Variants in AXDND1 observed in about 807,000 individuals in gnomAD.
AXDND1 encodes the protein axonemal dynein light chain domain containing 1.
A neutral mutation model predicts 137.5 loss-of-function variants in AXDND1; 110 were observed. The ratio of observed to expected loss-of-function variants is 0.80; its 90% CI spans 0.69 to 0.94. The LOEUF is 0.94. Among genes scored for constraint, AXDND1 ranks in the 40% least tolerant of loss-of-function variants. The pLI is 0.00. For synonymous variants in AXDND1, 414 were observed against 399.7 expected (o/e 1.04, Z -0.43); for missense variants, 1,191 against 1,169.8 (o/e 1.02, Z -0.26).
At chr1:179,457,224 C>T in intron 16 of AXDND1, 1 of 728,350 alleles carries the variant, frequency 1.4e-6, no homozygotes. Flanking sequence ...GAGCATTCCT[C>T]ATTGCTCAAA....
chr1:179,527,981 G>A (rs1045816126), intron 22 of AXDND1, among the ~76,000 whole-genome samples: 3 of 152,052 alleles, frequency 2.0e-5, no homozygotes, highest in African/African-American at 7.2e-5. Context: ...ACCCTTTTCT[G>A]GGTGTGCACA....
intron 21 of AXDND1, among the ~76,000 whole-genome samples, chr1:179,511,618 G>A (rs909134786): frequency 6.6e-6 from 1 of 152,100 alleles, no homozygotes; most frequent in African/African-American, 2.4e-5. Flanking sequence ...TCTACTTTTA[G>A]TTCTTTAAGG....
chr1:179,457,229 C>T, intron 16 of AXDND1: 1 of 721,042 alleles, frequency 1.4e-6, no homozygotes, highest in East Asian at 2.5e-5. Context: ...TTCCTCATTG[C>T]TCAAAATGGC....
intron 11 of AXDND1, among the ~76,000 whole-genome samples, chr1:179,399,649 A>G (rs12751949): frequency 0.29 from 44,345 of 152,130 alleles, 6,668 homozygotes; most frequent in Non-Finnish European, 0.31. Context: ...AGCCCACAGA[A>G]TGGGAGAAAA....
intron 12 of AXDND1, among the ~76,000 whole-genome samples, chr1:179,422,785 A>ATG (rs1170747031): frequency 1.3e-5 from 2 of 151,772 alleles, no homozygotes; most frequent in Non-Finnish European, 2.9e-5. Context: ...TTTCTTTGAG[A>ATG]TGAAGTCTCA....
chr1:179,540,910 G>C (rs1672072074), intron 25 of AXDND1, among the ~76,000 whole-genome samples: 1 of 152,200 alleles, frequency 6.6e-6, no homozygotes, highest in Non-Finnish European at 1.5e-5. Flanking sequence ...TAGAGAGGCA[G>C]TTGGCCTCAC....
chr1:179,520,856 G>GTA (rs761563327), intron 21 of AXDND1, among the ~76,000 whole-genome samples: 77 of 146,878 alleles, frequency 5.2e-4, no homozygotes, highest in Admixed American at 2.0e-3. Context: ...ACTAGTAACT[G>GTA]TATATATATA....
chr1:179,456,774 G>A (rs1661467169), intron 16 of AXDND1: 1 of 782,936 alleles, frequency 1.3e-6, no homozygotes, highest in African/African-American at 1.7e-5. Context: ...GCTGGATGAA[G>A]CCCTAGCCAT....
chr1:179,431,206 A>G (rs947613838), intron 14 of AXDND1, among the ~76,000 whole-genome samples: 6 of 152,238 alleles, frequency 3.9e-5, no homozygotes, highest in Admixed American at 1.3e-4. Flanking sequence ...CAGTGGCGCA[A>G]TCTTGGCTCA....
chr1:179,527,287 T>G (rs1484959493), intron 22 of AXDND1, among the ~76,000 whole-genome samples: 1 of 152,200 alleles, frequency 6.6e-6, no homozygotes, highest in Non-Finnish European at 1.5e-5. Context: ...GAGGTCACTC[T>G]TGTGGCCATT....
chr1:179,394,819 C>A (rs4606280), intron 10 of AXDND1, among the ~76,000 whole-genome samples: 132,560 of 152,112 alleles, frequency 0.87, 57,841 homozygotes, highest in East Asian at 0.9. Context: ...ACCAGCATGG[C>A]GGCCTTGCAT....
At chr1:179,553,202 C>T (rs1454078113) in intron 25 of AXDND1, among the ~76,000 whole-genome samples, 3 of 152,174 alleles carry the variant, frequency 2.0e-5, no homozygotes, top group African/African-American at 7.2e-5. Context: ...AGGTTAGCTG[C>T]CCCTCAAAAA....
chr1:179,525,489 A>G (rs372179953), intron 22 of AXDND1, 42 bp downstream of exon 22: 2 of 1,507,662 alleles, frequency 1.3e-6, no homozygotes, highest in South Asian at 1.2e-5. Context: ...ACATACATAC[A>G]TACATACATA....
rs200417239 is a variant in AXDND1, at chr1:179,388,973, A to ATT, written c.863+3615_863+3616dup. Among the ~76,000 whole-genome samples the ATT allele has an allele frequency of 9.9e-4, 76 of 76,548 alleles. 2 individuals are homozygous for ATT. The highest frequency in any genetic ancestry group is 4.4e-3 in the Admixed American group (25 of 5,658). The allele number at this position is 76,548 out of a possible 152,430, so 50.2% of individuals were successfully genotyped here. ...AATTTTATTGCTTATTCATTTTTAG[A>ATT]TTCTTTTTTTTTTTTTTTTTGAGAT... is the stretch of plus-strand genomic sequence containing the variant. On this transcript the variant is annotated intron_variant, in intron 9 of 25. Coordinates refer to ENST00000367618, the MANE Select transcript of AXDND1 (RefSeq NM_144696.6).
At chr1:179,512,166 A>G (rs1224617889) in intron 21 of AXDND1, among the ~76,000 whole-genome samples, 2 of 152,136 alleles carry the variant, frequency 1.3e-5, no homozygotes, top group African/African-American at 4.8e-5. Flanking sequence ...GGTTTTTCCA[A>G]TGTTATGTCT....
Position 179,488,676 on chromosome 1 carries a change from TTTCTTTCTTTCTTTC to T in AXDND1, c.2092-2859_2092-2845del, listed in dbSNP as rs1027467513. Among the ~76,000 whole-genome samples, 20 of 136,872 alleles carry T rather than the reference TTTCTTTCTTTCTTTC, an allele frequency of 1.5e-4. 2 individuals carry two copies. Among genetic ancestry groups the T allele is most frequent in the African/African-American group, 6.0e-4 (20 of 33,098 alleles). 89.8% of individuals were successfully genotyped at this position (136,872 alleles called of 152,430 possible). A position where few individuals can be genotyped will look rare whatever the true frequency, so the allele number is the denominator to read the frequency against. Reference sequence around the variant, plus strand: ...CTTTCTTTCTTTCTTTCTTTCTTTCTTTCTTTCTTTCTTTCTTTCTTTCCTCTCTCTGTCTCTCTC... The same window carrying T: ...CTTTCTTTCTTTCTTTCTTTCTTTCTTTTCTTTCCTCTCTCTGTCTCTCTC... On this transcript the variant is annotated intron_variant, in intron 18 of 25. Transcript: ENST00000367618.
chr1:179,401,038 C>T (rs1651952632), intron 11 of AXDND1, among the ~76,000 whole-genome samples: 1 of 151,384 alleles, frequency 6.6e-6, no homozygotes, highest in Non-Finnish European at 1.5e-5. Context: ...GCGGGTGGAT[C>T]AGCTGAGGTC....
At chr1:179,429,384 G>A (rs541770213) in intron 12 of AXDND1, 134 bp from the exon 13 acceptor site, 5 of 464,976 alleles carry the variant, frequency 1.1e-5, no homozygotes, top group African/African-American at 2.0e-5. Context: ...TTTGTAATTC[G>A]TGTTAATGAT....
chr1:179,551,178 A>G (rs746526194), intron 25 of AXDND1: 1 of 1,613,982 alleles, frequency 6.2e-7, no homozygotes, highest in Admixed American at 1.7e-5. Flanking sequence ...CCTTCCTATA[A>G]CATGGGAGAG....
Sources: allele counts gnomAD v4.1 joint callset (sites outside exome capture counted in the v4.1 genomes callset), GRCh38; gene constraint gnomAD v4.1.1; transcripts MANE v1.5; gene names NCBI Gene and HGNC (gene_info 2026-07-23, HGNC 2026-07-21).